Variants in IL12A observed in about 807,000 individuals in gnomAD.
The protein encoded by IL12A is interleukin 12A.
In IL12A, 16 loss-of-function variants were observed where a neutral mutation model predicts 23.5. The observed-to-expected ratio is 0.68, with a 90% confidence interval of 0.46 to 1.03. The LOEUF is 1.03. Among genes scored for constraint, IL12A ranks in the 50% least tolerant of loss-of-function variants. IL12A has a pLI of 0.00. For synonymous variants in IL12A, 106 were observed against 111.5 expected (o/e 0.95, Z 0.31); for missense variants, 275 against 307.0 (o/e 0.90, Z 0.78).
chr3:159,992,307 G>A (rs914451509), intron 2 of IL12A, among the ~76,000 whole-genome samples: 1 of 152,096 alleles, frequency 6.6e-6, no homozygotes, highest in Admixed American at 6.5e-5. Context: ...TGGTCATTTG[G>A]GCAATTGTCT....
chr3:159,989,340 G>A (rs1361560452), intron 1 of IL12A, 166 bp downstream of exon 1: 7 of 613,074 alleles, frequency 1.1e-5, no homozygotes, highest in Non-Finnish European at 1.7e-5. Flanking sequence ...GCTAAATAGG[G>A]CATGTCTCTT....
chr3:159,989,763 A>G (rs1380306199), intron 1 of IL12A, among the ~76,000 whole-genome samples: 1 of 152,216 alleles, frequency 6.6e-6, no homozygotes, highest in Non-Finnish European at 1.5e-5. Flanking sequence ...AGTCTGGGCC[A>G]CAGAGTGAGA....
chr3:159,994,600 G>A (rs187742827), intron 6 of IL12A, among the ~76,000 whole-genome samples: 4 of 151,778 alleles, frequency 2.6e-5, no homozygotes, highest in African/African-American at 7.3e-5. Context: ...GTGTGTGTGT[G>A]TGTGTGTGTG....
chr3:159,988,872 G>T lies in IL12A; in HGVS notation c.-185G>T. The T allele has an allele frequency of 3.4e-6, 2 of 595,504 alleles. No homozygotes were observed. Among genetic ancestry groups the T allele is most frequent in the Non-Finnish European group, 5.9e-6 (2 of 336,806 alleles). 36.9% of individuals were successfully genotyped at this position (595,504 alleles called of 1,614,324 possible). On this transcript the variant is annotated 5_prime_UTR_variant, in exon 1 of 7. Coordinates refer to ENST00000305579, the MANE Select transcript of IL12A (RefSeq NM_000882.4). ...TTTTGGGCCGAGCTGGAGGCGGCGGGGCCGTCCCGGAACGGCTGCGGCCGG... is the reference window on the plus strand; with the variant it reads ...TTTTGGGCCGAGCTGGAGGCGGCGGTGCCGTCCCGGAACGGCTGCGGCCGG...
chr3:159,993,748 G>A lies in IL12A; in HGVS notation c.510G>A (p.Val170=), dbSNP rs757963512. The change falls in exon 6 of 7, where the codon GTG becomes GTA. Residue 170 remains valine, a synonymous_variant. Transcript: ENST00000305579. ...ATGAAGACTTGAAGATGTACCAGGT[G>A]GAGTTCAAGACCATGAATGCAAAGC... 1.9e-6 allele frequency: 3 copies of A among 1,614,080 alleles called. No individual in the cohort carries two copies. The South Asian group carries it at 3.3e-5, about 18-fold the overall frequency.
Position 159,995,624 on chromosome 3 carries a change from G to A in IL12A, c.*65G>A. 7.8e-7 allele frequency: 1 copy of A among 1,282,862 alleles called. No homozygotes were observed. The allele number at this position is 1,282,862 out of a possible 1,614,324, so 79.5% of individuals were successfully genotyped here. A position where few individuals can be genotyped will look rare whatever the true frequency, so the allele number is the denominator to read the frequency against. On this transcript the variant is annotated 3_prime_UTR_variant, in exon 7 of 7. Coordinates refer to ENST00000305579, the MANE Select transcript of IL12A (RefSeq NM_000882.4). ...CTTTGAAATGAGGAAACTTTGATAG[G>A]ATGTGGATTAAGAACTAGGGAGGGG...
chr3:159,993,385 G>T, intron 3 of IL12A, 66 bp from the exon 4 acceptor site: 1 of 1,270,592 alleles, frequency 7.9e-7, no homozygotes, highest in South Asian at 1.3e-5. Context: ...AAAAATTTGA[G>T]ACCTGAAGAG....
At chr3:159,989,842 G>A (rs568140506) in intron 1 of IL12A, among the ~76,000 whole-genome samples, 1 of 152,324 alleles carries the variant, frequency 6.6e-6, no homozygotes, top group Non-Finnish European at 1.5e-5. Flanking sequence ...TGGGTCCCAA[G>A]TCTGACTCAG....
In IL12A at chr3:159,992,898, C is replaced by T. The variant is rs1720366992; in HGVS notation, c.265-114C>T. 3 of 600,892 alleles carry T rather than the reference C, an allele frequency of 5.0e-6. No individual in the cohort carries two copies. In the South Asian group the frequency reaches 7.5e-5, roughly 15 times the overall value. 37.2% of individuals were successfully genotyped at this position (600,892 alleles called of 1,614,324 possible). ...CAGAATTTCCTGCAAGTCAAAGTGA[C>T]AGAGGTCAAGGGCAGCCAGCCGGAG... On this transcript the variant is annotated intron_variant, in intron 2 of 6. Coordinates refer to ENST00000305579, the MANE Select transcript of IL12A (RefSeq NM_000882.4).
Position 159,993,490 on chromosome 3 carries a change from A to G in IL12A, c.418A>G (p.Thr140Ala). Reference sequence around the variant, plus strand: ...AAATTCCAGAGAGACCTCTTTCATAACTGTAAGTCAAAAAATGAAAAGTTT... The same window carrying G: ...AAATTCCAGAGAGACCTCTTTCATAGCTGTAAGTCAAAAAATGAAAAGTTT... The change falls in exon 4 of 7, where the codon ACT becomes GCT. Residue 140 changes from threonine (T) to alanine (A), a missense_variant and splice_region_variant. Transcript: ENST00000305579. 6.2e-7 allele frequency: 1 copy of G among 1,613,470 alleles called. No homozygotes were observed. Among genetic ancestry groups the G allele is most frequent in the Non-Finnish European group, 8.5e-7 (1 of 1,179,416 alleles).
intron 6 of IL12A, among the ~76,000 whole-genome samples, chr3:159,994,841 C>CTTTCT (rs1249031797): frequency 6.6e-6 from 1 of 152,132 alleles, no homozygotes; most frequent in East Asian, 1.9e-4. Context: ...TTTATTCTAG[C>CTTTCT]TTTCTTTTAG....
At chr3:159,991,172 A>G (rs1430463247) in intron 2 of IL12A, among the ~76,000 whole-genome samples, 1 of 152,204 alleles carries the variant, frequency 6.6e-6, no homozygotes, top group African/African-American at 2.4e-5. Context: ...TTGTTTCCCG[A>G]AGAAAGGTTC....
chr3:159,994,352 C>A (rs1234608970), intron 6 of IL12A: 1 of 154,598 alleles, frequency 6.5e-6, no homozygotes, highest in Non-Finnish European at 1.4e-5. Context: ...CATTGTGAAC[C>A]AAAATGTGAA....
intron 1 of IL12A, chr3:159,989,394 G>A (rs963552372): frequency 2.5e-5 from 14 of 559,880 alleles, no homozygotes; most frequent in African/African-American, 3.9e-5. Context: ...TGCCCACTTC[G>A]TAGAGGAGAA....
chr3:159,993,257 G>T, intron 3 of IL12A, 132 bp downstream of exon 3: 1 of 727,540 alleles, frequency 1.4e-6, no homozygotes, highest in Non-Finnish European at 2.3e-6. Flanking sequence ...TCAGAAGTTA[G>T]ATTTGGGAGA....
chr3:159,988,954 C>A lies in IL12A; in HGVS notation c.-103C>A, dbSNP rs1197500732. ...AGCCCCGCGGGCCGGCCGCACCGCA[C>A]GTGTCACCGAGAAGCTGATGTAGAG... On this transcript the variant is annotated 5_prime_UTR_variant, in exon 1 of 7. Transcript: ENST00000305579. 5 of 988,864 alleles carry A rather than the reference C, an allele frequency of 5.1e-6. No homozygotes were observed. The highest frequency in any genetic ancestry group is 2.1e-4 in the Middle Eastern group (1 of 4,678). The allele number at this position is 988,864 out of a possible 1,614,324, so 61.3% of individuals were successfully genotyped here. A position where few individuals can be genotyped will look rare whatever the true frequency, so the allele number is the denominator to read the frequency against.
intron 1 of IL12A, 50 bp from the exon 2 acceptor site, chr3:159,990,117 A>C: frequency 6.3e-7 from 1 of 1,597,296 alleles, no homozygotes; most frequent in Non-Finnish European, 8.6e-7. Flanking sequence ...AAGGTGGTGC[A>C]GGCAGGCCAT....
chr3:159,993,400 A>G, intron 3 of IL12A, 51 bp from the exon 4 acceptor site: 1 of 1,438,272 alleles, frequency 7.0e-7, no homozygotes, highest in East Asian at 2.3e-5. Context: ...GAAGAGTCAG[A>G]AAGATTTATA....
chr3:159,989,182 C>T lies in IL12A; in HGVS notation c.118+8C>T. On this transcript the variant is annotated splice_region_variant and intron_variant, in intron 1 of 6. Coordinates refer to ENST00000305579, the MANE Select transcript of IL12A (RefSeq NM_000882.4). ...GCATGTGTCCAGCGCGCAGTGAGTACTCAGCCCGCCAGGTCTTTGGCTCGC... is the reference window on the plus strand; with the variant it reads ...GCATGTGTCCAGCGCGCAGTGAGTATTCAGCCCGCCAGGTCTTTGGCTCGC... 1 of 1,607,760 alleles carries T rather than the reference C, an allele frequency of 6.2e-7. No individual in the cohort carries two copies. Among genetic ancestry groups the T allele is most frequent in the Non-Finnish European group, 8.5e-7 (1 of 1,176,530 alleles).
Sources: gnomAD v4.1 joint callset for allele counts (sites outside exome capture counted in the v4.1 genomes callset) on GRCh38, gnomAD v4.1.1 for gene constraint, MANE v1.5 for transcripts, NCBI Gene and HGNC (gene_info 2026-07-23, HGNC 2026-07-21) for gene names.